SASH1: variants seen among roughly 807,000 people sequenced by gnomAD.
The protein encoded by SASH1 is SAM and SH3 domain-containing protein 1.
A neutral mutation model predicts 125.2 loss-of-function variants in SASH1; 44 were observed. That is an observed-to-expected ratio of 0.35 (90% CI 0.28 to 0.45). The LOEUF (loss-of-function observed/expected upper bound fraction) is 0.45. Ranked by LOEUF, SASH1 falls within the 20% of genes least tolerant of loss-of-function variation. The pLI, the probability that SASH1 is intolerant of heterozygous loss-of-function variation, is 1.00. For synonymous variants in SASH1, 639 were observed against 649.1 expected (o/e 0.98, Z 0.24); for missense variants, 1,426 against 1,614.5 (o/e 0.88, Z 2.00).
intron 1 of SASH1, chr6:148,278,580 A>G (rs1779252012): frequency 6.6e-6 from 1 of 152,114 alleles, no homozygotes; most frequent in African/African-American, 2.4e-5. Flanking sequence ...TAAACTGACT[A>G]AAAAGAGCTT....
intron 1 of SASH1, among the ~76,000 whole-genome samples, chr6:148,310,279 G>A (rs544236251): frequency 2.6e-5 from 4 of 152,136 alleles, no homozygotes; most frequent in South Asian, 2.1e-4. Flanking sequence ...CCAAGATTGC[G>A]ACACTGCACT....
chr6:148,493,969 T>A (rs1277577288), intron 8 of SASH1, among the ~76,000 whole-genome samples: 1 of 152,200 alleles, frequency 6.6e-6, no homozygotes, highest in African/African-American at 2.4e-5. Context: ...GGGGTGATTG[T>A]AAGAGTTCTC....
chr6:148,343,050 C>T lies in SASH1; in HGVS notation c.-18C>T. 2 of 1,272,464 alleles carry T rather than the reference C, an allele frequency of 1.6e-6. No individual in the cohort carries two copies. The highest frequency in any genetic ancestry group is 2.0e-6 in the Non-Finnish European group (2 of 1,012,454). 78.8% of individuals were successfully genotyped at this position (1,272,464 alleles called of 1,614,324 possible). On this transcript the variant is annotated 5_prime_UTR_variant, in exon 1 of 20. Coordinates refer to ENST00000367467, the MANE Select transcript of SASH1 (RefSeq NM_015278.5). ...GCCGCGGGGACTGGGACGCACGGCCCGCGCGCGGGACACGGCCATGGAGGA... is the reference window on the plus strand; with the variant it reads ...GCCGCGGGGACTGGGACGCACGGCCTGCGCGCGGGACACGGCCATGGAGGA...
chr6:148,492,990 G>A (rs190510614), intron 8 of SASH1, among the ~76,000 whole-genome samples: 4 of 152,274 alleles, frequency 2.6e-5, no homozygotes, highest in African/African-American at 9.6e-5. Flanking sequence ...GCCTGTCTTA[G>A]TTAGACCTAG....
At chr6:148,354,793 T>C (rs1781865059) in intron 1 of SASH1, among the ~76,000 whole-genome samples, 1 of 152,176 alleles carries the variant, frequency 6.6e-6, no homozygotes, top group East Asian at 1.9e-4. Context: ...GATGGAGTCT[T>C]GCTCTGTCAC....
At chr6:148,417,834 A>G (rs989527154) in intron 2 of SASH1, among the ~76,000 whole-genome samples, 1 of 152,188 alleles carries the variant, frequency 6.6e-6, no homozygotes, top group Non-Finnish European at 1.5e-5. Flanking sequence ...AGCATTAGAT[A>G]AATGTTGGCA....
chr6:148,519,607 C>G lies in SASH1; in HGVS notation c.923C>G (p.Ser308Cys), dbSNP rs1562477841. Residue 308 changes from serine to cysteine, a missense_variant, in exon 10 of 20, where the codon TCT becomes TGT. Physicochemically the swap from Ser to Cys is moderately radical, Grantham distance 112 (BLOSUM62 -1). Transcript: ENST00000367467. The surrounding 1 kb of genome is among the most constrained non-coding windows in gnomAD (Gnocchi z 4.8). ...PVLDERSALY[S>C]GVHKKPLFFD... ...CTGGATGAACGGTCCGCCCTCTACT[C>G]TGGCGTGCACAAGAAGCCCCTTTTC... is the stretch of plus-strand genomic sequence containing the variant. 1.2e-6 allele frequency: 2 copies of G among 1,614,204 alleles called. No homozygotes were observed. The highest frequency in any genetic ancestry group is 1.7e-6 in the Non-Finnish European group (2 of 1,180,044).
chr6:148,351,489 CCCA>C (rs1781728711), intron 1 of SASH1, among the ~76,000 whole-genome samples: 1 of 151,904 alleles, frequency 6.6e-6, no homozygotes, highest in Non-Finnish European at 1.5e-5. Context: ...CATGTGTCCA[CCCA>C]TCACTCTGCC....
intron 4 of SASH1, chr6:148,440,686 A>G: frequency 2.3e-6 from 1 of 441,322 alleles, no homozygotes; most frequent in Non-Finnish European, 4.0e-6. Flanking sequence ...GGGAAAGGAT[A>G]GGTGCATTAA....
chr6:148,512,050 G>A lies in SASH1; in HGVS notation c.730-2274G>A, dbSNP rs185694446. On this transcript the variant is annotated intron_variant, in intron 8 of 19. Transcript: ENST00000367467. ...ATTTATTTTTTTGAGACAGAGTCTC[G>A]CTCTGTCGCCCAGGCTGGAGTGCAG... 5.2e-3 allele frequency among the ~76,000 whole-genome samples: 651 copies of A among 124,758 alleles called. 6 individuals are homozygous for A. The highest frequency in any genetic ancestry group is 0.017 in the African/African-American group (607 of 35,484). The allele number at this position is 124,758 out of a possible 152,430, so 81.8% of individuals were successfully genotyped here.
At chr6:148,492,843 A>C (rs866347853) in intron 8 of SASH1, among the ~76,000 whole-genome samples, 1 of 130,456 alleles carries the variant, frequency 7.7e-6, no homozygotes, top group Non-Finnish European at 1.6e-5. Flanking sequence ...TAAATAAATA[A>C]ATAAATAAAT....
Position 148,544,445 on chromosome 6 carries a change from G to A in SASH1, c.2975G>A (p.Ser992Asn), listed in dbSNP as rs200580845. Residue 992 changes from serine (S) to asparagine (N), a missense_variant, in exon 18 of 20, where the codon AGC (serine) becomes AAC (asparagine). Coordinates refer to ENST00000367467, the MANE Select transcript of SASH1 (RefSeq NM_015278.5). This position sits in a 1 kb window ranked among gnomAD's most constrained non-coding sequence, Gnocchi z 6.4. ...CCTCCACCTGTTCCTGCCAAAAAGA[G>A]CAGAGAACGCCTTGCTAACGGACTC... is the stretch of plus-strand genomic sequence containing the variant. ...SQPPPVPAKK[S>N]RERLANGLHP... The A allele has an allele frequency of 4.3e-6, 7 of 1,614,200 alleles. No homozygotes were observed. In the South Asian group the frequency reaches 6.6e-5, roughly 15 times the overall value.
intron 12 of SASH1, 42 bp downstream of exon 12, chr6:148,527,638 A>C: frequency 6.3e-7 from 1 of 1,574,828 alleles, no homozygotes; most frequent in Non-Finnish European, 8.6e-7. Flanking sequence ...GTTCTTCCTG[A>C]CAAGAAAAGC....
intron 2 of SASH1, among the ~76,000 whole-genome samples, chr6:148,427,532 A>G (rs918464706): frequency 1.3e-5 from 2 of 149,682 alleles, no homozygotes; most frequent in East Asian, 3.9e-4. Context: ...TCTTATCTCC[A>G]TGCAAAATGC....
At chr6:148,385,769 G>A (rs939324207) in intron 1 of SASH1, among the ~76,000 whole-genome samples, 1 of 152,306 alleles carries the variant, frequency 6.6e-6, no homozygotes, top group African/African-American at 2.4e-5. Flanking sequence ...GTGTAGGGTG[G>A]AGCATCTGGA....
chr6:148,304,521 A>G (rs1315119332), intron 1 of SASH1, among the ~76,000 whole-genome samples: 1 of 151,618 alleles, frequency 6.6e-6, no homozygotes, highest in East Asian at 1.9e-4. Context: ...TGAGGTAGAG[A>G]CTTGCTCGAA....
intron 4 of SASH1, 192 bp downstream of exon 4, chr6:148,440,599 G>A: frequency 1.7e-6 from 1 of 584,604 alleles, no homozygotes; most frequent in South Asian, 2.2e-5. Flanking sequence ...AGTTGGTGAT[G>A]TCTGAGGATT....
chr6:148,377,195 CAAAAAA>C (rs371487493), intron 1 of SASH1, among the ~76,000 whole-genome samples: 1 of 121,836 alleles, frequency 8.2e-6, no homozygotes, highest in Non-Finnish European at 1.7e-5. Context: ...AAAAAAAAAA[CAAAAAA>C]AAAACAAAAC....
At chr6:148,536,725 C>A (rs1289162782) in intron 16 of SASH1, among the ~76,000 whole-genome samples, 1 of 152,222 alleles carries the variant, frequency 6.6e-6, no homozygotes, top group Non-Finnish European at 1.5e-5. Context: ...GAGTGTAAGG[C>A]AGGAATCTGT....
Sources: gnomAD v4.1 joint callset for allele counts (sites outside exome capture counted in the v4.1 genomes callset) on GRCh38, gnomAD v4.1.1 for gene constraint, Gnocchi (gnomAD v3.1) non-coding constraint, MANE v1.5 for transcripts, NCBI Gene and HGNC (gene_info 2026-07-23, HGNC 2026-07-21) for gene names.